Variants in AGBL4 observed in about 807,000 individuals in gnomAD.
AGBL4 encodes AGBL carboxypeptidase 4.
A neutral mutation model predicts 66.4 loss-of-function variants in AGBL4; 58 were observed. That is an observed-to-expected ratio of 0.87 (90% CI 0.71 to 1.09). AGBL4 has a LOEUF of 1.09. Among genes scored for constraint, AGBL4 ranks in the 50% least tolerant of loss-of-function variants. The pLI is 0.00. For missense variants in AGBL4, 579 were observed against 631.0 expected (o/e 0.92, Z 0.88); for synonymous variants, 234 against 222.9 (o/e 1.05, Z -0.44).
At chr1:49,435,204 C>T (rs868076536) in intron 3 of AGBL4, among the ~76,000 whole-genome samples, 2 of 152,026 alleles carry the variant, frequency 1.3e-5, no homozygotes, top group East Asian at 3.9e-4. Flanking sequence ...TCCATGGTAC[C>T]AGAATTACGT....
intron 6 of AGBL4, chr1:48,728,053 G>T (rs917660450): frequency 1.3e-6 from 2 of 1,572,292 alleles, no homozygotes; most frequent in Non-Finnish European, 1.7e-6. Context: ...TCTAGACGGG[G>T]AGAAGAAACA....
intron 8 of AGBL4, among the ~76,000 whole-genome samples, chr1:48,638,247 G>A (rs1645699146): frequency 6.6e-6 from 1 of 152,182 alleles, no homozygotes; most frequent in South Asian, 2.1e-4. Flanking sequence ...GTTGCCCCAC[G>A]GAGTTGCACA....
rs199913300 is a variant in AGBL4 at position 49,865,417 on chromosome 1, C to T, written c.35-13899G>A. Among the ~76,000 whole-genome samples, 49 of 152,290 alleles carry T rather than the reference C, an allele frequency of 3.2e-4. No homozygotes were observed. The East Asian group carries it at 7.9e-3, about 25-fold the overall frequency. On this transcript the variant is annotated intron_variant, in intron 1 of 13. Transcript: ENST00000371839. ...AGAAGCAGGCAGGCATTTTGCTATTCTGCAGCCTCCACGGTGACATATCCA... is the reference window on the plus strand; with the variant it reads ...AGAAGCAGGCAGGCATTTTGCTATTTTGCAGCCTCCACGGTGACATATCCA...
At chr1:48,987,240 G>C (rs1461903542) in intron 5 of AGBL4, among the ~76,000 whole-genome samples, 1 of 151,820 alleles carries the variant, frequency 6.6e-6, no homozygotes, top group Non-Finnish European at 1.5e-5. Context: ...TTACAGATTA[G>C]ATAACAAAGC....
At chr1:49,729,966 CT>C (rs979550347) in intron 2 of AGBL4, among the ~76,000 whole-genome samples, 80 of 151,976 alleles carry the variant, frequency 5.3e-4, no homozygotes, top group African/African-American at 1.9e-3. Context: ...CGAGTGAGAA[CT>C]TCTATTTCTG....
intron 3 of AGBL4, among the ~76,000 whole-genome samples, chr1:49,462,359 T>C (rs200629471): frequency 6.6e-6 from 1 of 151,674 alleles, no homozygotes; most frequent in Non-Finnish European, 1.5e-5. Flanking sequence ...GGAGATAGAA[T>C]CAATAAGACT....
chr1:48,543,232 C>A (rs2148268042), intron 11 of AGBL4, among the ~76,000 whole-genome samples: 1 of 152,228 alleles, frequency 6.6e-6, no homozygotes, highest in African/African-American at 2.4e-5. Context: ...GGGGGGCATG[C>A]AGGGTAATAT....
chr1:49,823,027 T>C (rs879834253), intron 2 of AGBL4, among the ~76,000 whole-genome samples: 1 of 152,198 alleles, frequency 6.6e-6, no homozygotes, highest in African/African-American at 2.4e-5. Flanking sequence ...CAGATGATGA[T>C]GACAGACTTT....
chr1:49,696,413 A>G (rs1373174163), intron 3 of AGBL4, among the ~76,000 whole-genome samples: 1 of 152,162 alleles, frequency 6.6e-6, no homozygotes, highest in Non-Finnish European at 1.5e-5. Flanking sequence ...GCAGATTAAT[A>G]CGTTCAAAAT....
chr1:49,559,287 C>G (rs1268620497), intron 3 of AGBL4, among the ~76,000 whole-genome samples: 1 of 152,100 alleles, frequency 6.6e-6, no homozygotes, highest in Non-Finnish European at 1.5e-5. Context: ...CCCTAGTAAT[C>G]CAGAGAATTC....
chr1:48,572,017 A>G (rs1246997260), intron 11 of AGBL4, among the ~76,000 whole-genome samples: 1 of 152,224 alleles, frequency 6.6e-6, no homozygotes, highest in African/African-American at 2.4e-5. Context: ...GAAAAGCTCA[A>G]TAGGTATTAC....
intron 1 of AGBL4, among the ~76,000 whole-genome samples, chr1:49,970,708 AACACACACACACACACAC>A (rs373722460): frequency 1.8e-5 from 2 of 113,994 alleles, no homozygotes; most frequent in South Asian, 6.7e-4. Context: ...AAAAAAACAA[AACACACACACACACACAC>A]ACACACACAC....
chr1:49,637,717 G>T (rs973590102), intron 3 of AGBL4, among the ~76,000 whole-genome samples: 5 of 151,812 alleles, frequency 3.3e-5, no homozygotes, highest in African/African-American at 4.8e-5. Context: ...TACACAGACT[G>T]AAAAAATCTT....
At chr1:49,326,602 A>C (rs936548003) in intron 3 of AGBL4, among the ~76,000 whole-genome samples, 8 of 152,206 alleles carry the variant, frequency 5.3e-5, no homozygotes, top group Non-Finnish European at 2.9e-5. Flanking sequence ...TAACTGACAC[A>C]AAGAAAGAAT....
chr1:49,368,487 T>A (rs777712509), intron 3 of AGBL4, among the ~76,000 whole-genome samples: 5 of 152,104 alleles, frequency 3.3e-5, no homozygotes, highest in Non-Finnish European at 5.9e-5. Flanking sequence ...CCATTATCAT[T>A]TTTTTTACAG....
chr1:49,394,382 A>C (rs1342435121), intron 3 of AGBL4, among the ~76,000 whole-genome samples: 1 of 151,986 alleles, frequency 6.6e-6, no homozygotes, highest in Non-Finnish European at 1.5e-5. Flanking sequence ...TAACTGTCAG[A>C]GGCAAGAGAT....
At chr1:49,580,670 C>A (rs1644524292) in intron 3 of AGBL4, among the ~76,000 whole-genome samples, 1 of 152,090 alleles carries the variant, frequency 6.6e-6, no homozygotes, top group Non-Finnish European at 1.5e-5. Context: ...ATATAGAATT[C>A]TTTACTGACA....
intron 3 of AGBL4, among the ~76,000 whole-genome samples, chr1:49,394,297 T>C (rs1036684634): frequency 6.6e-6 from 1 of 151,808 alleles, no homozygotes; most frequent in East Asian, 1.9e-4. Flanking sequence ...TGATTAAGAT[T>C]TGAAAAATGT....
chr1:49,625,170 A>G (rs920074534), intron 3 of AGBL4, among the ~76,000 whole-genome samples: 2 of 152,178 alleles, frequency 1.3e-5, no homozygotes, highest in South Asian at 2.1e-4. Context: ...TCTAAGCCAC[A>G]TCATTTAAGA....
Sources: gnomAD v4.1 joint callset for allele counts (sites outside exome capture counted in the v4.1 genomes callset) on GRCh38, gnomAD v4.1.1 for gene constraint, MANE v1.5 for transcripts, NCBI Gene and HGNC (gene_info 2026-07-23, HGNC 2026-07-21) for gene names.